The following MYLK variants were observed in gnomAD, a reference collection of about 807,000 sequenced individuals.
The protein encoded by MYLK is myosin light chain kinase, smooth muscle.
A neutral mutation model predicts 203.4 loss-of-function variants in MYLK; 106 were observed. That is an observed-to-expected ratio of 0.52 (90% CI 0.45 to 0.61). MYLK has a LOEUF of 0.61. MYLK is among the 20% of genes least tolerant of loss of function. MYLK has a pLI of 0.00. For missense variants in MYLK, 2,072 were observed against 2,442.3 expected, an observed-to-expected ratio of 0.85 and a Z score of 3.20; for synonymous variants, 867 against 959.5, an observed-to-expected ratio of 0.90 and a Z score of 1.78.
Position 123,839,508 on chromosome 3 carries a change from G to A in MYLK, c.-126-7838C>T, listed in dbSNP as rs1029136722. On this transcript the variant is annotated intron_variant, in intron 2 of 33. Transcript: ENST00000360304. ...AAAAGGATCAATTCACTAAGGAAAT[G>A]TAACACTCCTAAATGTGTACACATC... is the stretch of plus-strand genomic sequence containing the variant. 3.9e-5 allele frequency among the ~76,000 whole-genome samples: 6 copies of A among 152,148 alleles called. No individual in the cohort carries two copies. The South Asian group carries it at 1.0e-3, about 26-fold the overall frequency.
rs911251036 is a variant in MYLK, at chr3:123,682,284, C to A, written c.3592G>T (p.Ala1198Ser). ...GGCCTCCGGGATTTCATCTCTGGGGCCTTGGTGTTCTCACTGGCTGGAGCA... is the reference window on the plus strand; with the variant it reads ...GGCCTCCGGGATTTCATCTCTGGGGACTTGGTGTTCTCACTGGCTGGAGCA... ...DDAPASENTK[A>S]PEMKSRRPKS... Residue 1198 changes from alanine to serine, a missense_variant, in exon 20 of 34, where the codon GCC becomes TCC. By Grantham distance (99) the Ala-to-Ser change is moderately conservative. Coordinates refer to ENST00000360304, the MANE Select transcript of MYLK (RefSeq NM_053025.4). The A allele has an allele frequency of 3.7e-6, 6 of 1,603,234 alleles. No individual in the cohort carries two copies. In the African/African-American group the frequency reaches 5.3e-5, roughly 14 times the overall value.
intron 5 of MYLK, among the ~76,000 whole-genome samples, chr3:123,747,933 T>C (rs967688588): frequency 2.6e-5 from 4 of 152,236 alleles, no homozygotes; most frequent in African/African-American, 9.6e-5. Flanking sequence ...CTCCACCTCA[T>C]GTCCGATGCT....
At chr3:123,809,623 C>T (rs192265157) in intron 3 of MYLK, among the ~76,000 whole-genome samples, 13 of 152,314 alleles carry the variant, frequency 8.5e-5, no homozygotes, top group Non-Finnish European at 1.9e-4. Context: ...ACCTGCAGAG[C>T]CACTCGCACA....
At chr3:123,847,085 C>T (rs931288618) in intron 2 of MYLK, among the ~76,000 whole-genome samples, 3 of 151,888 alleles carry the variant, frequency 2.0e-5, no homozygotes, top group African/African-American at 7.3e-5. Context: ...ATAAAAATAA[C>T]AACACAACAA....
intron 3 of MYLK, among the ~76,000 whole-genome samples, chr3:123,819,170 C>T (rs1162391702): frequency 6.6e-6 from 1 of 152,216 alleles, no homozygotes; most frequent in African/African-American, 2.4e-5. Context: ...CAGTTTTGCA[C>T]ATCTTGCAAG....
chr3:123,788,378 A>G (rs900187498), intron 4 of MYLK, among the ~76,000 whole-genome samples: 1 of 147,452 alleles, frequency 6.8e-6, no homozygotes, highest in South Asian at 2.1e-4. Flanking sequence ...TTTTTTTTTG[A>G]TTTGTTATTT....
chr3:123,769,711 G>A (rs1452867106), intron 4 of MYLK, among the ~76,000 whole-genome samples: 2 of 152,084 alleles, frequency 1.3e-5, no homozygotes, highest in Non-Finnish European at 2.9e-5. Context: ...CTGTCTAATC[G>A]CACTAGACTG....
At position 123,692,745 on chromosome 3, in the gene MYLK, G is replaced by T; in HGVS notation, c.3555C>A (p.Val1185=). 1 of 1,613,596 alleles carries T rather than the reference G, an allele frequency of 6.2e-7. No individual in the cohort carries two copies. Among genetic ancestry groups the T allele is most frequent in the South Asian group, 1.1e-5 (1 of 91,044 alleles). Residue 1185 remains valine, a synonymous_variant, in exon 19 of 34, where the codon GTC becomes GTA. Coordinates refer to ENST00000360304, the MANE Select transcript of MYLK (RefSeq NM_053025.4). ...GTGGGCACGACCTACCATCCACGGT[G>T]ACTTGGCAGGAGCACTCCGCCTGGC... ...DAGQAECSCQ[V]TVDDAPASEN...
Position 123,733,695 on chromosome 3 carries a change from C to G in MYLK, c.1301G>C (p.Arg434Thr). The G allele has an allele frequency of 6.2e-7, 1 of 1,614,094 alleles. No individual in the cohort carries two copies. Among genetic ancestry groups the G allele is most frequent in the Non-Finnish European group, 8.5e-7 (1 of 1,180,032 alleles). ...EVKENQTVKFRCEVSGIPKPE... is the reference protein window; with the variant it reads ...EVKENQTVKFTCEVSGIPKPE... ...TAATTACCTCTACTCACCTTCACATCTGAACTTGACAGTTTGATTTTCCTT... is the reference window on the plus strand; with the variant it reads ...TAATTACCTCTACTCACCTTCACATGTGAACTTGACAGTTTGATTTTCCTT... The change falls in exon 10 of 34, where the codon AGA becomes ACA. Residue 434 changes from arginine to threonine, a missense_variant. Physicochemically the swap from Arg to Thr is moderately conservative, Grantham distance 71. Around this residue, in one of 3 missense-constraint regions of MYLK, gnomAD observed 683 missense variants for 643.8 expected, o/e 1.06. Transcript: ENST00000360304.
At chr3:123,684,809 T>C (rs551012740) in intron 19 of MYLK, among the ~76,000 whole-genome samples, 6 of 152,342 alleles carry the variant, frequency 3.9e-5, no homozygotes, top group African/African-American at 9.6e-5. Flanking sequence ...GTACTGGGAT[T>C]ACTGGCGTGA....
intron 24 of MYLK, among the ~76,000 whole-genome samples, chr3:123,656,278 A>G (rs1444416156): frequency 2.0e-5 from 3 of 152,116 alleles, no homozygotes; most frequent in Admixed American, 1.3e-4. Context: ...CTGGTCCACA[A>G]CTGCACTGTG....
At chr3:123,800,712 C>A (rs1165564017) in intron 3 of MYLK, among the ~76,000 whole-genome samples, 4 of 152,178 alleles carry the variant, frequency 2.6e-5, no homozygotes, top group Admixed American at 6.5e-5. Context: ...CACCTTGGGG[C>A]AGACTGTGGA....
At chr3:123,842,322 T>A (rs1227669817) in intron 2 of MYLK, among the ~76,000 whole-genome samples, 1 of 151,960 alleles carries the variant, frequency 6.6e-6, no homozygotes. Flanking sequence ...GATAAAGAGG[T>A]AGAGAATACC....
At chr3:123,883,249 G>A (rs1161924126) in intron 1 of MYLK, among the ~76,000 whole-genome samples, 1 of 152,110 alleles carries the variant, frequency 6.6e-6, no homozygotes, top group Non-Finnish European at 1.5e-5. Context: ...TGCACTTGGG[G>A]AGAGGAGGGA....
chr3:123,876,395 T>C (rs889081760), intron 2 of MYLK, among the ~76,000 whole-genome samples, 164 bp downstream of exon 2: 4 of 152,180 alleles, frequency 2.6e-5, no homozygotes, highest in Admixed American at 6.5e-5. Context: ...AAAACTGGTA[T>C]GCAATTTCAA....
chr3:123,696,068 C>T (rs1050893997), intron 18 of MYLK, among the ~76,000 whole-genome samples: 2 of 152,202 alleles, frequency 1.3e-5, no homozygotes, highest in Non-Finnish European at 2.9e-5. Flanking sequence ...TAGTGGTGAA[C>T]TCTAGCCCAT....
intron 2 of MYLK, among the ~76,000 whole-genome samples, chr3:123,850,861 G>A (rs1484712490): frequency 6.6e-6 from 1 of 152,080 alleles, no homozygotes; most frequent in African/African-American, 2.4e-5. Context: ...TTTCTTCTAG[G>A]GTTTTTATGG....
intron 4 of MYLK, among the ~76,000 whole-genome samples, chr3:123,780,647 A>G (rs1177880155): frequency 6.6e-6 from 1 of 152,182 alleles, no homozygotes; most frequent in Non-Finnish European, 1.5e-5. Context: ...TAAGAGAGGC[A>G]GCTCCTTAAG....
rs547027422 is a variant in MYLK at position 123,831,094 on chromosome 3, T to C, written c.-4+454A>G. Among the ~76,000 whole-genome samples the C allele has an allele frequency of 5.3e-5, 8 of 152,222 alleles. No individual in the cohort carries two copies. In the South Asian group the frequency reaches 1.7e-3, roughly 32 times the overall value. On this transcript the variant is annotated intron_variant, in intron 3 of 33. Transcript: ENST00000360304. The stretch of plus-strand genomic sequence containing the variant: ...AACACAAAGTTCCACCTGTGTTCCA[T>C]CCCCAACAATGCCTGCTTGCCAAGG...
Sources: allele counts gnomAD v4.1 joint callset (sites outside exome capture counted in the v4.1 genomes callset), GRCh38; gene constraint gnomAD v4.1.1; regional missense constraint gnomAD v4.1.1; transcripts MANE v1.5; gene names NCBI Gene and HGNC (gene_info 2026-07-23, HGNC 2026-07-21).